CRB1: variants seen among roughly 807,000 people sequenced by gnomAD.
The protein encoded by CRB1 is crumbs cell polarity complex component 1, also known as protein crumbs homolog 1.
CRB1 carries 83 observed loss-of-function variants against 120.0 expected under a neutral mutation model. That is an observed-to-expected ratio of 0.69 (90% CI 0.58 to 0.83). The LOEUF (loss-of-function observed/expected upper bound fraction) is 0.83, where lower values mean the gene tolerates loss of function less well. CRB1 is among the 40% of genes least tolerant of loss of function. The probability of loss-of-function intolerance (pLI) is 0.00; values close to 1 mark genes in which losing one functional copy is unlikely to be tolerated. For synonymous variants in CRB1, 625 were observed against 612.5 expected (o/e 1.02, Z -0.30); for missense variants, 1,699 against 1,687.6 (o/e 1.01, Z -0.12).
chr1:197,297,309 G>A (rs1453185282), intron 1 of CRB1, among the ~76,000 whole-genome samples: 2 of 151,866 alleles, frequency 1.3e-5, no homozygotes, highest in South Asian at 2.1e-4. Context: ...ATATTAAATT[G>A]TGCTATTATA....
chr1:197,344,526 A>G (rs1659659636), intron 3 of CRB1, 50 bp downstream of exon 3: 4 of 1,550,848 alleles, frequency 2.6e-6, no homozygotes, highest in Middle Eastern at 1.9e-4. Context: ...CCTGACCATG[A>G]ACTATTTTAC....
At chr1:197,370,564 A>G (rs1661317306) in intron 5 of CRB1, among the ~76,000 whole-genome samples, 1 of 152,212 alleles carries the variant, frequency 6.6e-6, no homozygotes, top group South Asian at 2.1e-4. Flanking sequence ...CTCCTGAATG[A>G]TCATTGGATC....
intron 5 of CRB1, among the ~76,000 whole-genome samples, chr1:197,413,368 A>C (rs534910822): frequency 2.0e-5 from 3 of 152,304 alleles, no homozygotes; most frequent in Non-Finnish European, 4.4e-5. Context: ...CTCTTGCCAC[A>C]GTCTCAATTA....
intron 7 of CRB1, chr1:197,429,058 G>A: frequency 6.7e-7 from 1 of 1,495,458 alleles, no homozygotes; most frequent in Non-Finnish European, 9.0e-7. Flanking sequence ...CTTCTGTGTA[G>A]GATCTTGGGC....
intron 4 of CRB1, among the ~76,000 whole-genome samples, chr1:197,351,056 G>A (rs1050055120): frequency 6.6e-6 from 1 of 151,812 alleles, no homozygotes; most frequent in Non-Finnish European, 1.5e-5. Context: ...AAAAGAGCAT[G>A]TCTGGCTGGG....
At chr1:197,319,432 CA>C (rs10646084) in intron 1 of CRB1, among the ~76,000 whole-genome samples, 147 of 27,092 alleles carry the variant, frequency 5.4e-3, no homozygotes, top group African/African-American at 0.018. Context: ...GACTCCATCT[CA>C]AAAAAAAAAA....
intron 11 of CRB1, among the ~76,000 whole-genome samples, chr1:197,469,195 G>A: frequency 6.6e-6 from 1 of 152,160 alleles, no homozygotes; most frequent in Middle Eastern, 3.2e-3. Flanking sequence ...ACTCCAGCCT[G>A]AGCGACAGAG....
chr1:197,465,391 A>AT (rs541600764), intron 11 of CRB1, among the ~76,000 whole-genome samples: 164 of 149,774 alleles, frequency 1.1e-3, no homozygotes, highest in Non-Finnish European at 1.8e-3. Context: ...GTTTGTTTTT[A>AT]TTTTTTTTTT....
chr1:197,390,962 T>C, intron 5 of CRB1, among the ~76,000 whole-genome samples: 1 of 151,998 alleles, frequency 6.6e-6, no homozygotes, highest in East Asian at 1.9e-4. Flanking sequence ...GTGACAACAT[T>C]AAAAAAAATT....
In CRB1 at chr1:197,305,642, A is replaced by G. The variant is rs1657122677; in HGVS notation, c.71-22780A>G. Among the ~76,000 whole-genome samples, 3 of 152,012 alleles carry G rather than the reference A, an allele frequency of 2.0e-5. No individual in the cohort carries two copies. In the South Asian group the frequency reaches 6.2e-4, roughly 31 times the overall value. The stretch of plus-strand genomic sequence containing the variant: ...CAGCATTCATCTTGGGTTAACCATT[A>G]CAACACCTGAATAACTATTTGATAT... On this transcript the variant is annotated intron_variant, in intron 1 of 11. Transcript: ENST00000367400.
At chr1:197,327,528 C>T (rs1272255426) in intron 1 of CRB1, among the ~76,000 whole-genome samples, 2 of 152,148 alleles carry the variant, frequency 1.3e-5, no homozygotes, top group Non-Finnish European at 1.5e-5. Flanking sequence ...AATACATACA[C>T]ACAGATGCAT....
chr1:197,364,331 C>T (rs556367440), intron 5 of CRB1, among the ~76,000 whole-genome samples: 3 of 152,252 alleles, frequency 2.0e-5, no homozygotes, highest in African/African-American at 7.2e-5. Context: ...GTCTAATTTT[C>T]AGCAATTTAT....
chr1:197,278,147 G>C (rs986716454), intron 1 of CRB1, among the ~76,000 whole-genome samples: 2 of 151,912 alleles, frequency 1.3e-5, no homozygotes, highest in African/African-American at 2.4e-5. Flanking sequence ...TCTCCAAAGT[G>C]GCGGTTTTAG....
At chr1:197,228,708 A>G in the CRB1 span, among the ~76,000 whole-genome samples, 1 of 152,274 alleles carries the variant, frequency 6.6e-6, no homozygotes, top group East Asian at 1.9e-4. Flanking sequence ...ATATCTTTTC[A>G]GCAACGCCCT....
chr1:197,429,498 TCTC>T lies in CRB1; in HGVS notation c.2729_2731del (p.Ser910del), dbSNP rs1182203880. 3 of 1,614,010 alleles carry T rather than the reference TCTC, an allele frequency of 1.9e-6. No individual in the cohort carries two copies. The highest frequency in any genetic ancestry group is 3.3e-5 in the Admixed American group (2 of 60,008). ...GTTTGCCATTCCCGGTGGGATGACT[TCTC>T]CTGTTCCTGTCCTGCCCTCACAAGT... is the stretch of plus-strand genomic sequence containing the variant. On this transcript the variant is annotated inframe_deletion, in exon 8 of 12. Coordinates refer to ENST00000367400, the MANE Select transcript of CRB1 (RefSeq NM_201253.3).
chr1:197,303,106 C>A (rs557159448), intron 1 of CRB1, among the ~76,000 whole-genome samples: 1 of 146,662 alleles, frequency 6.8e-6, no homozygotes, highest in East Asian at 1.9e-4. Flanking sequence ...GCCAATTATT[C>A]TTTTATTTAT....
At chr1:197,247,710 G>A in the CRB1 span, among the ~76,000 whole-genome samples, 1 of 152,034 alleles carries the variant, frequency 6.6e-6, no homozygotes, top group Non-Finnish European at 1.5e-5. Flanking sequence ...AAAGTAAGCA[G>A]AACTGTATCA....
At chr1:197,404,441 CAAAAAAAAA>C (rs558125777) in intron 5 of CRB1, among the ~76,000 whole-genome samples, 4,102 of 58,746 alleles carry the variant, frequency 0.07, 263 homozygotes, top group African/African-American at 0.22. Flanking sequence ...GACTCCGTCT[CAAAAAAAAA>C]AAAAAAAAAA....
At chr1:197,435,659 G>A (rs762222997) in intron 9 of CRB1, 47 bp downstream of exon 9, 13 of 1,501,526 alleles carry the variant, frequency 8.7e-6, no homozygotes, top group Non-Finnish European at 1.2e-5. Flanking sequence ...GCTATACTCT[G>A]CATCACTGTT....
Sources: gnomAD v4.1 joint callset for allele counts (sites outside exome capture counted in the v4.1 genomes callset) on GRCh38, gnomAD v4.1.1 for gene constraint, MANE v1.5 for transcripts, NCBI Gene and HGNC (gene_info 2026-07-23, HGNC 2026-07-21) for gene names.